BRIP1: variants seen among roughly 807,000 people sequenced by gnomAD.
BRIP1 encodes Fanconi anemia group J protein.
BRIP1 carries 88 observed loss-of-function variants against 119.7 expected under a neutral mutation model. That is an observed-to-expected ratio of 0.74 (90% CI 0.62 to 0.88). The LOEUF (loss-of-function observed/expected upper bound fraction) is 0.88. BRIP1 is among the 40% of genes least tolerant of loss of function. BRIP1 has a pLI of 0.00. For missense variants in BRIP1, 1,259 were observed against 1,455.4 expected (o/e 0.87, Z 2.20); for synonymous variants, 443 against 496.5 (o/e 0.89, Z 1.43).
chr17:61,861,909 C>A lies in BRIP1; in HGVS notation c.-30-340G>T, dbSNP rs954744764. On this transcript the variant is annotated intron_variant, in intron 1 of 19. Transcript: ENST00000259008. The surrounding 1 kb of genome is among the most constrained non-coding windows in gnomAD (Gnocchi z 4.5). ...ATGTGCAAATATGATAAAGTACATA[C>A]CAGATTAAACATGAGCTCTTGTAAC... 14 of 320,044 alleles carry A rather than the reference C, an allele frequency of 4.4e-5. No individual in the cohort carries two copies. The highest frequency in any genetic ancestry group is 3.0e-4 in the African/African-American group (14 of 46,316). The allele number at this position is 320,044 out of a possible 1,614,324, so 19.8% of individuals were successfully genotyped here. A position where few individuals can be genotyped will look rare whatever the true frequency, so the allele number is the denominator to read the frequency against.
At chr17:61,849,303 G>C (rs2145768249) in intron 4 of BRIP1, 47 bp from the exon 5 acceptor site, 1 of 1,551,550 alleles carries the variant, frequency 6.4e-7, no homozygotes, top group African/African-American at 1.4e-5. Flanking sequence ...CTTACAGGTA[G>C]GCAATTTTTC....
chr17:61,764,219 G>C (rs1158716381), intron 14 of BRIP1, among the ~76,000 whole-genome samples: 2 of 152,150 alleles, frequency 1.3e-5, no homozygotes, highest in South Asian at 2.1e-4. Flanking sequence ...CTCATTTCTA[G>C]TCTCTGTAAG....
rs777339469 is a variant in BRIP1 at position 61,742,980 on chromosome 17, G to A, written c.2379+33C>T. The stretch of plus-strand genomic sequence containing the variant: ...ACTTTATACAAAACCAATGACTCCT[G>A]TAATAATAAAACTTAAGGTTTTGAT... On this transcript the variant is annotated intron_variant, in intron 16 of 19. Transcript: ENST00000259008. This position sits in a 1 kb window ranked among gnomAD's most constrained non-coding sequence, Gnocchi z 4.7. 1.7e-5 allele frequency: 28 copies of A among 1,610,974 alleles called. No individual in the cohort carries two copies. Among genetic ancestry groups the A allele is most frequent in the Non-Finnish European group, 2.3e-5 (27 of 1,177,648 alleles).
intron 5 of BRIP1, among the ~76,000 whole-genome samples, chr17:61,847,838 T>G (rs2078757573): frequency 6.6e-6 from 1 of 152,184 alleles, no homozygotes; most frequent in Non-Finnish European, 1.5e-5. Flanking sequence ...GCATTTCTAT[T>G]GATAATCTCA....
chr17:61,725,070 G>A lies in BRIP1; in HGVS notation c.2380-9007C>T, dbSNP rs2076746872. 6.6e-6 allele frequency among the ~76,000 whole-genome samples: 1 copy of A among 151,966 alleles called. No individual in the cohort carries two copies. Among genetic ancestry groups the A allele is most frequent in the East Asian group, 1.9e-4 (1 of 5,188 alleles). On this transcript the variant is annotated intron_variant, in intron 16 of 19. Coordinates refer to ENST00000259008, the MANE Select transcript of BRIP1 (RefSeq NM_032043.3). This position sits in a 1 kb window ranked among gnomAD's most constrained non-coding sequence, Gnocchi z 5.3. Reference sequence around the variant, plus strand: ...TAGCTAGATTAAAAAGAATATAGCTGGTTTTATTTCATCTGGCATATTTTC... The same window carrying A: ...TAGCTAGATTAAAAAGAATATAGCTAGTTTTATTTCATCTGGCATATTTTC...
In BRIP1 at chr17:61,684,155, A is replaced by T. The variant is rs771068891; in HGVS notation, c.2906-15T>A. The T allele has an allele frequency of 3.4e-5, 55 of 1,611,094 alleles. No individual in the cohort carries two copies. Among genetic ancestry groups the T allele is most frequent in the Non-Finnish European group, 4.4e-5 (52 of 1,178,706 alleles). ...TACTGGATCATCTAAGAATACAAGA[A>T]TTTAAGAGATTTAACTTTCTGCTCC... On this transcript the variant is annotated splice_polypyrimidine_tract_variant and intron_variant, in intron 19 of 19. Coordinates refer to ENST00000259008, the MANE Select transcript of BRIP1 (RefSeq NM_032043.3). This position sits in a 1 kb window ranked among gnomAD's most constrained non-coding sequence, Gnocchi z 4.5.
rs112224297 is a variant in BRIP1 at position 61,798,849 on chromosome 17, A to G, written c.1340+251T>C. Among the ~76,000 whole-genome samples the G allele has an allele frequency of 2.0e-5, 3 of 152,210 alleles. No individual in the cohort carries two copies. The highest frequency in any genetic ancestry group is 7.2e-5 in the African/African-American group (3 of 41,562). On this transcript the variant is annotated intron_variant, in intron 9 of 19. Coordinates refer to ENST00000259008, the MANE Select transcript of BRIP1 (RefSeq NM_032043.3). This position sits in a 1 kb window ranked among gnomAD's most constrained non-coding sequence, Gnocchi z 5.5. ...CCTAGACACATCCTTCGGGGCTATT[A>G]TGTTATCCTGCCAAATTAGGAATAA... is the stretch of plus-strand genomic sequence containing the variant.
At chr17:61,829,487 T>C (rs1396175863) in intron 6 of BRIP1, among the ~76,000 whole-genome samples, 5 of 135,754 alleles carry the variant, frequency 3.7e-5, no homozygotes, top group Non-Finnish European at 8.3e-5. Context: ...TATTCTCTAA[T>C]TAATTTATAA....
intron 17 of BRIP1, among the ~76,000 whole-genome samples, chr17:61,707,118 T>C (rs1183035577): frequency 2.6e-5 from 4 of 152,154 alleles, no homozygotes; most frequent in Middle Eastern, 3.2e-3. Flanking sequence ...GGTCCTTGTA[T>C]GTTGAAGGCT....
At chr17:61,782,079 T>C (rs1014524246) in intron 11 of BRIP1, among the ~76,000 whole-genome samples, 5 of 151,810 alleles carry the variant, frequency 3.3e-5, no homozygotes, top group Non-Finnish European at 4.4e-5. Flanking sequence ...AGCCAAAAAC[T>C]GTAAAACTCT....
In BRIP1 at chr17:61,703,983, A is replaced by G. The variant is rs1305125807; in HGVS notation, c.2493-10471T>C. ...CTAGGTTTTCTTCTAGGATTTTTATAGTTTGAGGTCTTACACTTAAATCTT... is the reference window on the plus strand; with the variant it reads ...CTAGGTTTTCTTCTAGGATTTTTATGGTTTGAGGTCTTACACTTAAATCTT... On this transcript the variant is annotated intron_variant, in intron 17 of 19. Coordinates refer to ENST00000259008, the MANE Select transcript of BRIP1 (RefSeq NM_032043.3). The surrounding 1 kb of genome is among the most constrained non-coding windows in gnomAD (Gnocchi z 5.0). 6.6e-6 allele frequency among the ~76,000 whole-genome samples: 1 copy of G among 152,096 alleles called. No individual in the cohort carries two copies. Among genetic ancestry groups the G allele is most frequent in the Non-Finnish European group, 1.5e-5 (1 of 67,994 alleles).
chr17:61,819,284 T>C (rs1486541336), intron 6 of BRIP1, among the ~76,000 whole-genome samples: 1 of 151,912 alleles, frequency 6.6e-6, no homozygotes, highest in African/African-American at 2.4e-5. Context: ...TTGGTGGGAA[T>C]GTAGATTAGT....
Position 61,799,157 on chromosome 17 carries a change from T to G in BRIP1, c.1283A>C (p.Asn428Thr), listed in dbSNP as rs779237423. 6 of 1,613,742 alleles carry G rather than the reference T, an allele frequency of 3.7e-6. No individual in the cohort carries two copies. The highest frequency in any genetic ancestry group is 4.5e-5 in the East Asian group (2 of 44,874). The change falls in exon 9 of 20, where the codon AAT becomes ACT. Residue 428 changes from asparagine (N) to threonine (T), a missense_variant. Physicochemically the swap from Asn to Thr is moderately conservative, Grantham distance 65. This residue lies in a region of BRIP1 where 501 missense variants were observed against 544.0 expected (regional missense o/e 0.92). Transcript: ENST00000259008. The surrounding 1 kb of genome is among the most constrained non-coding windows in gnomAD (Gnocchi z 5.1). ...ARDELDSMVN[N>T]NIRKKDHEPL... ...TTCATGATCTTTCTTCCTTATATTA[T>G]TGTTGACCATACTATCTAGTTCATC...
chr17:61,783,466 C>A (rs1470978976), intron 11 of BRIP1, among the ~76,000 whole-genome samples: 1 of 152,010 alleles, frequency 6.6e-6, no homozygotes, highest in African/African-American at 2.4e-5. Flanking sequence ...TTCTGGAAAT[C>A]TCTGGAAATG....
chr17:61,685,625 C>A, intron 19 of BRIP1: 1 of 564,968 alleles, frequency 1.8e-6, no homozygotes, highest in South Asian at 2.5e-5. Context: ...GTGGCAAAGC[C>A]AGTTAGTGGA....
At position 61,758,684 on chromosome 17, in the gene BRIP1, GA is replaced by G. The variant is rs2077232509; in HGVS notation, c.2098-14094del. 6.6e-6 allele frequency among the ~76,000 whole-genome samples: 1 copy of G among 152,006 alleles called. No individual in the cohort carries two copies. Among genetic ancestry groups the G allele is most frequent in the Admixed American group, 6.6e-5 (1 of 15,230 alleles). ...AAACAAAGTACCTACACAACAACTA[GA>G]AAATAATTCACAATGCTGGGTGGGC... On this transcript the variant is annotated intron_variant, in intron 14 of 19. Transcript: ENST00000259008. The surrounding 1 kb of genome is among the most constrained non-coding windows in gnomAD (Gnocchi z 5.3).
chr17:61,726,509 G>A lies in BRIP1; in HGVS notation c.2380-10446C>T, dbSNP rs1031814483. 7.9e-5 allele frequency among the ~76,000 whole-genome samples: 12 copies of A among 152,132 alleles called. No homozygotes were observed. Among genetic ancestry groups the A allele is most frequent in the African/African-American group, 1.2e-4 (5 of 41,432 alleles). On this transcript the variant is annotated intron_variant, in intron 16 of 19. Coordinates refer to ENST00000259008, the MANE Select transcript of BRIP1 (RefSeq NM_032043.3). The surrounding 1 kb of genome is among the most constrained non-coding windows in gnomAD (Gnocchi z 6.2). ...CCCAAATCATTTTACCACCTGGACCGATTCCTTCTGAAAGAGCTCTGACTA... is the reference window on the plus strand; with the variant it reads ...CCCAAATCATTTTACCACCTGGACCAATTCCTTCTGAAAGAGCTCTGACTA...
chr17:61,821,719 A>T (rs1397507985), intron 6 of BRIP1, among the ~76,000 whole-genome samples: 1 of 151,690 alleles, frequency 6.6e-6, no homozygotes, highest in Admixed American at 6.6e-5. Flanking sequence ...TTGTCTTTTT[A>T]AAATTTTTCT....
At chr17:61,698,927 G>A (rs950490787) in intron 17 of BRIP1, among the ~76,000 whole-genome samples, 2 of 151,964 alleles carry the variant, frequency 1.3e-5, no homozygotes, top group Non-Finnish European at 1.5e-5. Flanking sequence ...ATGTTACCTA[G>A]GCTAGTCTTG....
Sources: allele counts gnomAD v4.1 joint callset (sites outside exome capture counted in the v4.1 genomes callset), GRCh38; gene constraint gnomAD v4.1.1; regional missense constraint gnomAD v4.1.1; non-coding constraint Gnocchi (gnomAD v3.1); transcripts MANE v1.5; gene names NCBI Gene and HGNC (gene_info 2026-07-23, HGNC 2026-07-21).